Variants in ATXN7L1 observed in about 807,000 individuals in gnomAD.
ATXN7L1 encodes ataxin-7-like protein 1.
A neutral mutation model predicts 70.8 loss-of-function variants in ATXN7L1; 15 were observed. That is an observed-to-expected ratio of 0.21 (90% CI 0.14 to 0.33). ATXN7L1 has a LOEUF of 0.33. Among genes scored for constraint, ATXN7L1 ranks in the 10% least tolerant of loss-of-function variants. ATXN7L1 has a pLI of 1.00. For synonymous variants in ATXN7L1, 440 were observed against 445.1 expected (o/e 0.99, Z 0.14); for missense variants, 975 against 1,097.1 (o/e 0.89, Z 1.57).
chr7:105,720,587 T>G (rs565651938), intron 3 of ATXN7L1, among the ~76,000 whole-genome samples: 26 of 152,172 alleles, frequency 1.7e-4, no homozygotes, highest in Admixed American at 1.6e-3. Context: ...CCTGGCTAAT[T>G]TTTAAAAAAA....
intron 2 of ATXN7L1, among the ~76,000 whole-genome samples, chr7:105,864,555 G>A (rs1399641634): frequency 2.0e-5 from 3 of 150,218 alleles, no homozygotes; most frequent in South Asian, 4.2e-4. Context: ...CCGGGGGCAC[G>A]AAGTACCCTA....
At chr7:105,732,888 C>T (rs527260855) in intron 3 of ATXN7L1, among the ~76,000 whole-genome samples, 12 of 152,184 alleles carry the variant, frequency 7.9e-5, no homozygotes, top group Non-Finnish European at 1.6e-4. Flanking sequence ...GCTGTTTCTT[C>T]TGACTGGAAT....
At chr7:105,833,150 T>C (rs1585110414) in intron 2 of ATXN7L1, among the ~76,000 whole-genome samples, 1 of 152,288 alleles carries the variant, frequency 6.6e-6, no homozygotes, top group East Asian at 1.9e-4. Context: ...CACCCTATCA[T>C]GTTCCCCTTC....
intron 3 of ATXN7L1, among the ~76,000 whole-genome samples, chr7:105,736,323 T>C (rs554123793): frequency 6.6e-6 from 1 of 152,378 alleles, no homozygotes; most frequent in Non-Finnish European, 1.5e-5. Context: ...TGTGCTTAAT[T>C]ACCTTGCAGC....
intron 3 of ATXN7L1, among the ~76,000 whole-genome samples, chr7:105,729,467 T>C (rs1184420749): frequency 6.6e-6 from 1 of 151,398 alleles, no homozygotes; most frequent in African/African-American, 2.4e-5. Flanking sequence ...TCCTGCCCTG[T>C]TGCCCAGGCT....
At chr7:105,874,123 C>CAAAAAAA (rs766696244) in intron 2 of ATXN7L1, among the ~76,000 whole-genome samples, 1 of 71,994 alleles carries the variant, frequency 1.4e-5, no homozygotes. Context: ...GAATCCGTAT[C>CAAAAAAA]AAAAAAAAAA....
intron 2 of ATXN7L1, among the ~76,000 whole-genome samples, chr7:105,835,670 C>T (rs751573804): frequency 3.3e-5 from 5 of 152,136 alleles, no homozygotes; most frequent in Non-Finnish European, 5.9e-5. Flanking sequence ...TGGTTTGGAG[C>T]TTGGAACATA....
Position 105,790,632 on chromosome 7 carries a change from A to G in ATXN7L1, c.251-1924T>C, listed in dbSNP as rs1032174086. Reference sequence around the variant, plus strand: ...TATCTATCTATCTATCTATCTATCTATCTATCTATCTATCTATCTATCATC... The same window carrying G: ...TATCTATCTATCTATCTATCTATCTGTCTATCTATCTATCTATCTATCATC... On this transcript the variant is annotated intron_variant, in intron 2 of 11. Coordinates refer to ENST00000419735, the MANE Select transcript of ATXN7L1 (RefSeq NM_020725.2). Among the ~76,000 whole-genome samples, 3 of 149,888 alleles carry G rather than the reference A, an allele frequency of 2.0e-5. No individual in the cohort carries two copies. The Admixed American group carries it at 2.0e-4, about 10-fold the overall frequency.
chr7:105,769,070 T>C (rs1801649239), intron 3 of ATXN7L1, among the ~76,000 whole-genome samples: 1 of 152,240 alleles, frequency 6.6e-6, no homozygotes, highest in African/African-American at 2.4e-5. Flanking sequence ...GGCAAATCAC[T>C]GAATTTCTTT....
At chr7:105,698,915 A>G (rs1792082596) in intron 3 of ATXN7L1, among the ~76,000 whole-genome samples, 1 of 93,758 alleles carries the variant, frequency 1.1e-5, no homozygotes, top group African/African-American at 7.2e-5. Context: ...AATCTGAATT[A>G]AAAAGATATA....
chr7:105,748,116 C>CAAA (rs10566200), intron 3 of ATXN7L1, among the ~76,000 whole-genome samples: 1 of 121,974 alleles, frequency 8.2e-6, no homozygotes. Context: ...AACTCCATCT[C>CAAA]AAAAAAAAAA....
At chr7:105,833,574 A>C (rs529857178) in intron 2 of ATXN7L1, among the ~76,000 whole-genome samples, 1 of 152,056 alleles carries the variant, frequency 6.6e-6, no homozygotes, top group East Asian at 1.9e-4. Flanking sequence ...AATAATTGGT[A>C]ATGTTCTATA....
intron 7 of ATXN7L1, among the ~76,000 whole-genome samples, chr7:105,628,544 C>T (rs1796081568): frequency 6.6e-6 from 1 of 151,860 alleles, no homozygotes; most frequent in African/African-American, 2.4e-5. Flanking sequence ...AATCCCAGCA[C>T]TTTGGGAGGC....
intron 3 of ATXN7L1, among the ~76,000 whole-genome samples, chr7:105,764,353 T>C (rs1285299043): frequency 6.7e-6 from 1 of 148,968 alleles, no homozygotes; most frequent in African/African-American, 2.5e-5. Flanking sequence ...CCCAAAGCAG[T>C]GGTTCTCAAA....
intron 3 of ATXN7L1, among the ~76,000 whole-genome samples, chr7:105,739,298 C>T (rs1797748680): frequency 6.6e-6 from 1 of 152,132 alleles, no homozygotes. Context: ...TTTGCACCAA[C>T]CTAAGAGAAA....
intron 2 of ATXN7L1, among the ~76,000 whole-genome samples, chr7:105,847,142 C>T (rs913972400): frequency 1.3e-5 from 2 of 152,074 alleles, no homozygotes; most frequent in African/African-American, 4.8e-5. Context: ...AAAACACATA[C>T]ATAAAGTGTG....
intron 3 of ATXN7L1, among the ~76,000 whole-genome samples, chr7:105,694,591 C>T (rs1791467377): frequency 6.6e-6 from 1 of 152,208 alleles, no homozygotes; most frequent in African/African-American, 2.4e-5. Flanking sequence ...AATCCTGGGT[C>T]TCAGCCTCAT....
intron 9 of ATXN7L1, among the ~76,000 whole-genome samples, chr7:105,619,903 G>T (rs1794677074): frequency 6.6e-6 from 1 of 150,912 alleles, no homozygotes; most frequent in Admixed American, 6.6e-5. Flanking sequence ...GCAATAAAAA[G>T]GCCCTTTAAC....
In ATXN7L1 at chr7:105,606,445, G is replaced by A. The variant is rs1236372108; in HGVS notation, c.*1407C>T. On this transcript the variant is annotated 3_prime_UTR_variant, in exon 12 of 12. Transcript: ENST00000419735. ...AGCTATGAAACTAGCATTCATTTCT[G>A]ATTTAAGGATGAAACAAAACCTCCC... is the stretch of plus-strand genomic sequence containing the variant. 6.6e-6 allele frequency: 1 copy of A among 152,166 alleles called. No homozygotes were observed. The highest frequency in any genetic ancestry group is 1.5e-5 in the Non-Finnish European group (1 of 68,024). 9.4% of individuals were successfully genotyped at this position (152,166 alleles called of 1,614,324 possible). A position where few individuals can be genotyped will look rare whatever the true frequency, so the allele number is the denominator to read the frequency against.
Sources: gnomAD v4.1 joint callset for allele counts (sites outside exome capture counted in the v4.1 genomes callset) on GRCh38, gnomAD v4.1.1 for gene constraint, MANE v1.5 for transcripts, NCBI Gene and HGNC (gene_info 2026-07-23, HGNC 2026-07-21) for gene names.